BRCA2: variants seen among roughly 807,000 people sequenced by gnomAD.
BRCA2 encodes breast cancer type 2 susceptibility protein.
BRCA2 carries 203 observed loss-of-function variants against 276.7 expected under a neutral mutation model. That is an observed-to-expected ratio of 0.73 (90% confidence interval 0.65 to 0.82). The LOEUF (loss-of-function observed/expected upper bound fraction) is 0.82. Ranked by LOEUF, BRCA2 falls within the 40% of genes least tolerant of loss-of-function variation. The probability of loss-of-function intolerance (pLI) is 0.00; values close to 1 mark genes in which losing one functional copy is unlikely to be tolerated. For synonymous variants in BRCA2, 1,289 were observed against 1,338.4 expected (o/e 0.96, Z 0.81); for missense variants, 3,920 against 3,915.0 (o/e 1.00, Z -0.03).
In BRCA2 at chr13:32,336,738, T is replaced by G. The variant is rs878853563; in HGVS notation, c.2383T>G (p.Ser795Ala). 2 of 1,613,816 alleles carry G rather than the reference T, an allele frequency of 1.2e-6. No individual in the cohort carries two copies. Among genetic ancestry groups the G allele is most frequent in the Admixed American group, 3.3e-5 (2 of 59,954 alleles). Residue 795 changes from serine to alanine, a missense_variant, in exon 11 of 27, where the codon TCA (serine) becomes GCA (alanine). Ser to Ala is a moderately conservative substitution (Grantham distance 99, BLOSUM62 1). Around this residue, in one of 2 missense-constraint regions of BRCA2, gnomAD observed 3,263 missense variants for 3,156.9 expected, o/e 1.03. Coordinates refer to ENST00000380152, the MANE Select transcript of BRCA2 (RefSeq NM_000059.4). ...ISRGKESYKMSDKLKGNNYES... is the reference protein window; with the variant it reads ...ISRGKESYKMADKLKGNNYES... ...TAGAGGCAAAGAATCATACAAAATG[T>G]CAGACAAGCTCAAAGGTAACAATTA...
At chr13:32,331,993 A>G (rs1443075802) in intron 9 of BRCA2, among the ~76,000 whole-genome samples, 4 of 152,140 alleles carry the variant, frequency 2.6e-5, no homozygotes, top group African/African-American at 9.7e-5. Flanking sequence ...GTGAGTTTTA[A>G]TTGTGTAGAA....
chr13:32,369,151 C>T (rs777823611), intron 18 of BRCA2, among the ~76,000 whole-genome samples: 24 of 151,932 alleles, frequency 1.6e-4, no homozygotes, highest in East Asian at 3.9e-4. Flanking sequence ...ACCCTGGCTG[C>T]GTCTGCTCAG....
chr13:32,376,600 C>T (rs1040999645), intron 20 of BRCA2, 70 bp from the exon 21 acceptor site: 9 of 1,535,320 alleles, frequency 5.9e-6, no homozygotes, highest in Non-Finnish European at 8.1e-6. Context: ...GTGTTTTATG[C>T]TTGGTTCTTT....
At chr13:32,397,869 A>C (rs987739487) in intron 26 of BRCA2, among the ~76,000 whole-genome samples, 2 of 152,194 alleles carry the variant, frequency 1.3e-5, no homozygotes. Flanking sequence ...GTTAATAATA[A>C]AAAACAAAAG....
rs1566234321 is a variant in BRCA2 at position 32,340,672 on chromosome 13, TTCC to T, written c.6320_6322del (p.Pro2107del). On this transcript the variant is annotated inframe_deletion, in exon 11 of 27. Coordinates refer to ENST00000380152, the MANE Select transcript of BRCA2 (RefSeq NM_000059.4). ...TCTAGACAAAATGTATCAAAAATAC[TTCC>T]TCGTGTTGATAAGAGAAACCCAGAG... The T allele has an allele frequency of 2.5e-6, 4 of 1,608,190 alleles. No individual in the cohort carries two copies. Among genetic ancestry groups the T allele is most frequent in the Non-Finnish European group, 3.4e-6 (4 of 1,178,564 alleles).
chr13:32,376,852 T>G (rs2072877516), intron 21 of BRCA2, 61 bp downstream of exon 21: 1 of 1,599,046 alleles, frequency 6.3e-7, no homozygotes, highest in Non-Finnish European at 8.5e-7. Flanking sequence ...GAAGCTGTTT[T>G]AGACTCTCTG....
In BRCA2 at chr13:32,341,151, A is replaced by C. The variant is rs80358905; in HGVS notation, c.6796A>C (p.Asn2266His). The change falls in exon 11 of 27, where the codon AAT becomes CAT. Residue 2266 changes from asparagine to histidine, a missense_variant. Coordinates refer to ENST00000380152, the MANE Select transcript of BRCA2 (RefSeq NM_000059.4). Reference protein sequence around the residue: ...CPENEEMVLSNSRIGKRRGEP... With the variant: ...CPENEEMVLSHSRIGKRRGEP... ...CGAAAATGAGGAAATGGTTTTGTCA[A>C]ATTCAAGAATTGGAAAAAGAAGAGG... The C allele has an allele frequency of 1.9e-6, 3 of 1,613,988 alleles. No homozygotes were observed. Among genetic ancestry groups the C allele is most frequent in the Non-Finnish European group, 2.5e-6 (3 of 1,179,922 alleles).
At chr13:32,365,144 A>G (rs1347854507) in intron 18 of BRCA2, among the ~76,000 whole-genome samples, 2 of 86,458 alleles carry the variant, frequency 2.3e-5, no homozygotes, top group African/African-American at 4.7e-5. Flanking sequence ...TTTTGAGACA[A>G]CGTCTCACTG....
Position 32,340,470 on chromosome 13 carries a change from T to A in BRCA2, c.6115T>A (p.Leu2039Ile), listed in dbSNP as rs370026879. The A allele has an allele frequency of 4.3e-6, 7 of 1,613,602 alleles. No individual in the cohort carries two copies. Among genetic ancestry groups the A allele is most frequent in the African/African-American group, 1.3e-5 (1 of 74,900 alleles). Residue 2039 changes from leucine (L) to isoleucine (I), a missense_variant, in exon 11 of 27, where the codon TTA becomes ATA. By Grantham distance (5) the Leu-to-Ile change is conservative. Around this residue, in one of 2 missense-constraint regions of BRCA2, gnomAD observed 3,263 missense variants for 3,156.9 expected, o/e 1.03. Coordinates refer to ENST00000380152, the MANE Select transcript of BRCA2 (RefSeq NM_000059.4). ...TACTGCTATACGTACTCCAGAACATTTAATATCCCAAAAAGGCTTTTCATA... is the reference window on the plus strand; with the variant it reads ...TACTGCTATACGTACTCCAGAACATATAATATCCCAAAAAGGCTTTTCATA... The part of the protein sequence containing the change: ...ENTAIRTPEH[L>I]ISQKGFSYNV...
At position 32,340,413 on chromosome 13, in the gene BRCA2, GAACA is replaced by G. The variant is rs398122546; in HGVS notation, c.6059_6062del (p.Glu2020ValfsTer19). On this transcript the variant is annotated frameshift_variant, in exon 11 of 27. Coordinates refer to ENST00000380152, the MANE Select transcript of BRCA2 (RefSeq NM_000059.4). LOFTEE classifies it high-confidence loss of function. ...TTCCAAAGTATTGTTTAAAAGTAAC[GAACA>G]TTCAGACCAGCTCACAAGAGAAGAA... The G allele has an allele frequency of 3.7e-6, 6 of 1,613,608 alleles. No homozygotes were observed. The highest frequency in any genetic ancestry group is 5.1e-6 in the Non-Finnish European group (6 of 1,179,692).
intron 20 of BRCA2, among the ~76,000 whole-genome samples, chr13:32,374,016 A>T (rs553410593): frequency 6.6e-6 from 1 of 152,342 alleles, no homozygotes; most frequent in East Asian, 1.9e-4. Flanking sequence ...GCCCAGCATC[A>T]CATGGAGGCC....
At chr13:32,356,350 G>T in intron 14 of BRCA2, 78 bp from the exon 15 acceptor site, 2 of 1,425,778 alleles carry the variant, frequency 1.4e-6, no homozygotes, top group Non-Finnish European at 2.0e-6. Context: ...GATTACAGGC[G>T]TGAGCCACTG....
intron 20 of BRCA2, among the ~76,000 whole-genome samples, chr13:32,373,633 T>C (rs534651864): frequency 6.6e-6 from 1 of 152,236 alleles, no homozygotes; most frequent in Admixed American, 6.5e-5. Flanking sequence ...CATGCTGATA[T>C]AAGGGGTGGG....
chr13:32,387,996 C>G (rs1169534574), intron 24 of BRCA2, among the ~76,000 whole-genome samples: 1 of 152,118 alleles, frequency 6.6e-6, no homozygotes, highest in Admixed American at 6.6e-5. Context: ...GTAGTGGTCC[C>G]CTGGGTCCAG....
chr13:32,344,794 A>C (rs1405944526), intron 12 of BRCA2, 141 bp downstream of exon 12: 2 of 605,220 alleles, frequency 3.3e-6, no homozygotes, highest in Non-Finnish European at 6.0e-6. Flanking sequence ...ACCTCTTTAT[A>C]CTCTTAAAAA....
intron 20 of BRCA2, among the ~76,000 whole-genome samples, chr13:32,376,371 A>G (rs1168361018): frequency 1.3e-5 from 2 of 151,854 alleles, no homozygotes; most frequent in East Asian, 3.9e-4. Context: ...AAAATGCAAA[A>G]ATTAACCGGG....
At position 32,337,406 on chromosome 13, in the gene BRCA2, C is replaced by A. The variant is rs786201561; in HGVS notation, c.3051C>A (p.Ile1017=). ...GSFRTASNKE[I]KLSEHNIKKS... ...TCAGAACAGCTTCAAATAAGGAAATCAAGCTCTCTGAACATAACATTAAGA... is the reference window on the plus strand; with the variant it reads ...TCAGAACAGCTTCAAATAAGGAAATAAAGCTCTCTGAACATAACATTAAGA... The change falls in exon 11 of 27, where the codon ATC becomes ATA. Residue 1017 remains isoleucine (I), a synonymous_variant. Coordinates refer to ENST00000380152, the MANE Select transcript of BRCA2 (RefSeq NM_000059.4). The A allele has an allele frequency of 6.2e-7, 1 of 1,613,564 alleles. No individual in the cohort carries two copies. Among genetic ancestry groups the A allele is most frequent in the South Asian group, 1.1e-5 (1 of 90,996 alleles).
At chr13:32,317,286 A>G (rs1291513582) in intron 2 of BRCA2, among the ~76,000 whole-genome samples, 8 of 151,004 alleles carry the variant, frequency 5.3e-5, no homozygotes, top group Non-Finnish European at 1.0e-4. Flanking sequence ...TTATCACAAC[A>G]TTCTTAGGAA....
intron 24 of BRCA2, among the ~76,000 whole-genome samples, chr13:32,393,969 C>T (rs2073015696): frequency 6.6e-6 from 1 of 152,108 alleles, no homozygotes; most frequent in Non-Finnish European, 1.5e-5. Flanking sequence ...TGAGTTTATC[C>T]TTCCTGATTT....
Sources: gnomAD v4.1 joint callset for allele counts (sites outside exome capture counted in the v4.1 genomes callset) on GRCh38, gnomAD v4.1.1 for gene constraint, gnomAD v4.1.1 regional missense constraint, MANE v1.5 for transcripts, NCBI Gene and HGNC (gene_info 2026-07-23, HGNC 2026-07-21) for gene names.